The following ARHGAP5 variants were observed in gnomAD, a reference collection of about 807,000 sequenced individuals.
The protein encoded by ARHGAP5 is Rho GTPase activating protein 5.
A neutral mutation model predicts 116.6 loss-of-function variants in ARHGAP5; 23 were observed. The observed-to-expected ratio is 0.20, with a 90% CI of 0.14 to 0.28. The LOEUF is 0.28. Among genes scored for constraint, ARHGAP5 ranks in the 10% least tolerant of loss-of-function variants. ARHGAP5 has a pLI of 1.00. For missense variants in ARHGAP5, 1,405 were observed against 1,774.8 expected (o/e 0.79, Z 3.74); for synonymous variants, 574 against 602.0 (o/e 0.95, Z 0.68).
chr14:32,094,651 G>A (rs1312398460), intron 2 of ARHGAP5, among the ~76,000 whole-genome samples: 4 of 151,998 alleles, frequency 2.6e-5, no homozygotes, highest in South Asian at 2.1e-4. Flanking sequence ...GATATGAAGT[G>A]ATTTTGTTCT....
chr14:32,139,701 A>G (rs1397701456), intron 3 of ARHGAP5, among the ~76,000 whole-genome samples: 1 of 144,414 alleles, frequency 6.9e-6, no homozygotes, highest in African/African-American at 2.5e-5. Context: ...TTTCTATTTT[A>G]TCTCTATATT....
At position 32,093,679 on chromosome 14, in the gene ARHGAP5, C is replaced by A; in HGVS notation, c.3010C>A (p.Pro1004Thr). The A allele has an allele frequency of 6.2e-7, 1 of 1,613,998 alleles. No homozygotes were observed. The highest frequency in any genetic ancestry group is 8.5e-7 in the Non-Finnish European group (1 of 1,179,950). ...GGATGATGTACAGTTGCTTCCAACA[C>A]CTAGTGACCGTTCCAGATATAGATT... ...IGDDVQLLPTPSDRSRYRLDL... is the reference protein window; with the variant it reads ...IGDDVQLLPTTSDRSRYRLDL... The change falls in exon 2 of 7, where the codon CCT (proline) becomes ACT (threonine). Residue 1004 changes from proline (P) to threonine (T), a missense_variant. Physicochemically the swap from Pro to Thr is conservative, Grantham distance 38 (BLOSUM62 -1). This residue lies in a region of ARHGAP5 where 944 missense variants were observed against 1,095.3 expected (regional missense o/e 0.86). Coordinates refer to ENST00000345122, the MANE Select transcript of ARHGAP5 (RefSeq NM_001030055.2).
chr14:32,088,601 A>G (rs915738803), intron 1 of ARHGAP5, among the ~76,000 whole-genome samples: 17 of 152,132 alleles, frequency 1.1e-4, no homozygotes, highest in African/African-American at 4.1e-4. Flanking sequence ...GATGCTAGGT[A>G]CAGATTTTCA....
chr14:32,093,254 C>T lies in ARHGAP5; in HGVS notation c.2585C>T (p.Ser862Leu). The change falls in exon 2 of 7, where the codon TCG becomes TTG. Residue 862 changes from serine (S) to leucine (L), a missense_variant. By Grantham distance (145) the Ser-to-Leu change is moderately radical. Transcript: ENST00000345122. ...GTTTACTCTGCAAAACGGAAAGCTT[C>T]GATGGGAATGCTTCGAGCATTTCTA... ...ILVYSAKRKA[S>L]MGMLRAFLSE... 1 of 1,613,628 alleles carries T rather than the reference C, an allele frequency of 6.2e-7. No individual in the cohort carries two copies. Among genetic ancestry groups the T allele is most frequent in the Non-Finnish European group, 8.5e-7 (1 of 1,179,798 alleles).
At chr14:32,151,298 A>G (rs1413236055) in intron 5 of ARHGAP5, among the ~76,000 whole-genome samples, 1 of 152,234 alleles carries the variant, frequency 6.6e-6, no homozygotes, top group Non-Finnish European at 1.5e-5. Flanking sequence ...TGGTGTGCAC[A>G]CTGGTCTCCA....
At chr14:32,112,613 C>G (rs1166006181) in intron 2 of ARHGAP5, among the ~76,000 whole-genome samples, 3 of 152,290 alleles carry the variant, frequency 2.0e-5, no homozygotes, top group Non-Finnish European at 2.9e-5. Context: ...TGGCTCACGC[C>G]TATAATCCCA....
chr14:32,092,857 GT>G lies in ARHGAP5; in HGVS notation c.2189del (p.Val730GlufsTer17). On this transcript the variant is annotated frameshift_variant, in exon 2 of 7. Coordinates refer to ENST00000345122, the MANE Select transcript of ARHGAP5 (RefSeq NM_001030055.2). LOFTEE classifies it high-confidence loss of function. This position sits in a 1 kb window ranked among gnomAD's most constrained non-coding sequence, Gnocchi z 4.1. ...GGCAAACAAGTTGCAATGTCCTTTT[GT>G]AGATGTACCTGCTGGTACATATCCT... ...QLANKLQCPFVDVPAGTYPRK... is the reference protein window; with the variant it reads ...QLANKLQCPFXDVPAGTYPRK... 6.2e-7 allele frequency: 1 copy of G among 1,614,042 alleles called. No individual in the cohort carries two copies. Among genetic ancestry groups the G allele is most frequent in the Non-Finnish European group, 8.5e-7 (1 of 1,179,934 alleles).
chr14:32,152,671 A>G (rs569894277), intron 6 of ARHGAP5, 143 bp downstream of exon 6: 4 of 485,024 alleles, frequency 8.2e-6, no homozygotes, highest in Non-Finnish European at 1.4e-5. Context: ...TCTAATTTAT[A>G]TCTAAAAAGA....
At chr14:32,151,274 C>T (rs141748045) in intron 5 of ARHGAP5, among the ~76,000 whole-genome samples, 2 of 152,254 alleles carry the variant, frequency 1.3e-5, no homozygotes, top group African/African-American at 4.8e-5. Flanking sequence ...ATTGGTTATG[C>T]TACCATAATG....
chr14:32,136,035 T>A (rs1880771128), intron 3 of ARHGAP5, among the ~76,000 whole-genome samples: 1 of 152,232 alleles, frequency 6.6e-6, no homozygotes, highest in Admixed American at 6.5e-5. Context: ...GAATGTACTT[T>A]TAATTCAGTG....
At chr14:32,143,735 G>T (rs996181342) in intron 3 of ARHGAP5, among the ~76,000 whole-genome samples, 49 of 152,148 alleles carry the variant, frequency 3.2e-4, no homozygotes, top group Admixed American at 3.0e-3. Context: ...TGTTAATAGT[G>T]AGTAAAGGGC....
Position 32,092,662 on chromosome 14 carries a change from A to G in ARHGAP5, c.1993A>G (p.Ile665Val), listed in dbSNP as rs1284248730. ...PHGCFCVFNSIESLSFIGEFI... is the reference protein window; with the variant it reads ...PHGCFCVFNSVESLSFIGEFI... ...TGGGTGCTTCTGTGTATTTAATTCC[A>G]TTGAGTCATTGAGTTTTATTGGGGA... is the stretch of plus-strand genomic sequence containing the variant. Residue 665 changes from isoleucine to valine, a missense_variant, in exon 2 of 7, where the codon ATT (isoleucine) becomes GTT (valine). By Grantham distance (29) the Ile-to-Val change is conservative. Transcript: ENST00000345122. The surrounding 1 kb of genome is among the most constrained non-coding windows in gnomAD (Gnocchi z 4.1). 1 of 1,613,968 alleles carries G rather than the reference A, an allele frequency of 6.2e-7. No homozygotes were observed. Among genetic ancestry groups the G allele is most frequent in the Admixed American group, 1.7e-5 (1 of 60,002 alleles).
chr14:32,106,924 G>A (rs1359123691), intron 2 of ARHGAP5, among the ~76,000 whole-genome samples: 2 of 152,064 alleles, frequency 1.3e-5, no homozygotes, highest in Non-Finnish European at 2.9e-5. Context: ...AATGACTTAC[G>A]CACTAGATCC....
intron 2 of ARHGAP5, among the ~76,000 whole-genome samples, chr14:32,103,795 C>T (rs1387221957): frequency 2.6e-5 from 4 of 152,010 alleles, no homozygotes; most frequent in East Asian, 1.9e-4. Context: ...GTAAATAGGG[C>T]TTAATCTGTG....
In ARHGAP5 at chr14:32,091,215, C is replaced by T. The variant is rs1393657754; in HGVS notation, c.546C>T (p.Asn182=). The T allele has an allele frequency of 9.9e-6, 16 of 1,612,734 alleles. No individual in the cohort carries two copies. Among genetic ancestry groups the T allele is most frequent in the Non-Finnish European group, 1.2e-5 (14 of 1,179,454 alleles). The part of the protein sequence containing the change: ...KFDDQLKFVN[N]LFVQLSKSKK... ...ATGATCAACTTAAATTTGTGAATAACCTTTTTGTCCAGTTATCAAAATCAA... is the reference window on the plus strand; with the variant it reads ...ATGATCAACTTAAATTTGTGAATAATCTTTTTGTCCAGTTATCAAAATCAA... Residue 182 remains asparagine, a synonymous_variant, in exon 2 of 7, where the codon AAC becomes AAT. Transcript: ENST00000345122.
chr14:32,092,895 T>C lies in ARHGAP5; in HGVS notation c.2226T>C (p.Asn742=). The change falls in exon 2 of 7, where the codon AAT becomes AAC. Residue 742 remains asparagine (N), a synonymous_variant. Transcript: ENST00000345122. This position sits in a 1 kb window ranked among gnomAD's most constrained non-coding sequence, Gnocchi z 4.1. ...VPAGTYPRKF[N]ETQIKQALRG... ...CTGGTACATATCCTCGTAAATTTAA[T>C]GAAACCCAAATAAAGCAAGCTCTCA... 1.2e-6 allele frequency: 2 copies of C among 1,613,998 alleles called. No homozygotes were observed. The highest frequency in any genetic ancestry group is 1.1e-5 in the South Asian group (1 of 91,070).
At chr14:32,149,079 T>C (rs1459185757) in intron 4 of ARHGAP5, among the ~76,000 whole-genome samples, 1 of 152,210 alleles carries the variant, frequency 6.6e-6, no homozygotes, top group Non-Finnish European at 1.5e-5. Context: ...ATGTGGATTT[T>C]ACTTAGCAGT....
chr14:32,108,376 A>T (rs1879119102), intron 2 of ARHGAP5, among the ~76,000 whole-genome samples: 1 of 152,042 alleles, frequency 6.6e-6, no homozygotes, highest in Non-Finnish European at 1.5e-5. Context: ...GAGAAAAGTG[A>T]TGGGGAATAG....
intron 2 of ARHGAP5, among the ~76,000 whole-genome samples, chr14:32,100,350 C>T (rs1878735383): frequency 6.6e-6 from 1 of 152,046 alleles, no homozygotes; most frequent in South Asian, 2.1e-4. Flanking sequence ...CAGGTATTAG[C>T]CACCATGCCT....
Sources: allele counts gnomAD v4.1 joint callset (sites outside exome capture counted in the v4.1 genomes callset), GRCh38; gene constraint gnomAD v4.1.1; regional missense constraint gnomAD v4.1.1; non-coding constraint Gnocchi (gnomAD v3.1); transcripts MANE v1.5; gene names NCBI Gene and HGNC (gene_info 2026-07-23, HGNC 2026-07-21).